FAM227B: variants seen among roughly 807,000 people sequenced by gnomAD.
FAM227B encodes family with sequence similarity 227 member B, also known as protein FAM227B.
In FAM227B, 88 loss-of-function variants were observed where a neutral mutation model predicts 73.8. That is an observed-to-expected ratio of 1.19 (90% CI 1.00 to 1.42). The LOEUF (loss-of-function observed/expected upper bound fraction) is 1.42. FAM227B is among the 40% of genes most tolerant of loss of function. The pLI, the probability that FAM227B is intolerant of heterozygous loss-of-function variation, is 0.00. For synonymous variants in FAM227B, 210 were observed against 190.5 expected (o/e 1.10, Z -0.84); for missense variants, 632 against 590.9 (o/e 1.07, Z -0.72).
chr15:49,327,421 G>C lies in FAM227B; in HGVS notation c.*1147C>G, dbSNP rs931304062. 9 of 152,338 alleles carry C rather than the reference G, an allele frequency of 5.9e-5. 1 individual carries two copies. The highest frequency in any genetic ancestry group is 2.2e-4 in the African/African-American group (9 of 41,564). The allele number at this position is 152,338 out of a possible 1,614,324, so 9.4% of individuals were successfully genotyped here. A position where few individuals can be genotyped will look rare whatever the true frequency, so the allele number is the denominator to read the frequency against. ...TTGATAAGTTTATTCAGTGAACTAGGCTATCTGTTCTAGGGGACTGATTCT... is the reference window on the plus strand; with the variant it reads ...TTGATAAGTTTATTCAGTGAACTAGCCTATCTGTTCTAGGGGACTGATTCT... On this transcript the variant is annotated 3_prime_UTR_variant, in exon 16 of 16. Coordinates refer to ENST00000299338, the MANE Select transcript of FAM227B (RefSeq NM_152647.3).
chr15:49,361,798 T>G (rs1289349920), intron 13 of FAM227B, among the ~76,000 whole-genome samples: 1 of 152,184 alleles, frequency 6.6e-6, no homozygotes, highest in Non-Finnish European at 1.5e-5. Context: ...TAATTCTGCT[T>G]TCAGTTCTTT....
intron 3 of FAM227B, among the ~76,000 whole-genome samples, chr15:49,591,985 G>A (rs190090078): frequency 3.9e-5 from 6 of 152,094 alleles, no homozygotes; most frequent in African/African-American, 1.2e-4. Flanking sequence ...GCTTGTGCAC[G>A]TCATGAAGTT....
rs560987117 is a variant in FAM227B, at chr15:49,554,080, A to G, written c.748-12274T>C. 1.9e-4 allele frequency among the ~76,000 whole-genome samples: 29 copies of G among 152,274 alleles called. No homozygotes were observed. In the South Asian group the frequency reaches 5.6e-3, roughly 29 times the overall value. Reference sequence around the variant, plus strand: ...TTCCATTTTTGCCCAGTTTGTGTCTAGAAATGTCATCTGGAAACTAGGGCC... The same window carrying G: ...TTCCATTTTTGCCCAGTTTGTGTCTGGAAATGTCATCTGGAAACTAGGGCC... On this transcript the variant is annotated intron_variant, in intron 9 of 15. Coordinates refer to ENST00000299338, the MANE Select transcript of FAM227B (RefSeq NM_152647.3).
chr15:49,373,978 G>T (rs1441616114), intron 11 of FAM227B, among the ~76,000 whole-genome samples: 2 of 152,080 alleles, frequency 1.3e-5, no homozygotes, highest in African/African-American at 4.8e-5. Context: ...CCTCATACCT[G>T]CATTAAAAGA....
chr15:49,343,792 A>G (rs998685181), intron 13 of FAM227B: 1 of 152,224 alleles, frequency 6.6e-6, no homozygotes, highest in African/African-American at 2.4e-5. Context: ...GTCTTCAGGC[A>G]TCACATGATA....
chr15:49,474,821 C>T (rs2055100043), intron 11 of FAM227B, among the ~76,000 whole-genome samples: 1 of 152,072 alleles, frequency 6.6e-6, no homozygotes. Flanking sequence ...GTTGCGTGCT[C>T]CGTACGAAAA....
At chr15:49,544,952 G>T (rs1476522905) in intron 9 of FAM227B, among the ~76,000 whole-genome samples, 1 of 151,960 alleles carries the variant, frequency 6.6e-6, no homozygotes, top group African/African-American at 2.4e-5. Flanking sequence ...CAAGAATATT[G>T]GTCTGTAGTT....
At chr15:49,612,493 A>C (rs1242684020) in intron 2 of FAM227B, among the ~76,000 whole-genome samples, 2 of 152,224 alleles carry the variant, frequency 1.3e-5, no homozygotes, top group African/African-American at 2.4e-5. Flanking sequence ...TAAATTTCAC[A>C]CAGTGGCTGG....
chr15:49,545,605 A>G lies in FAM227B; in HGVS notation c.748-3799T>C, dbSNP rs117175485. On this transcript the variant is annotated intron_variant, in intron 9 of 15. Coordinates refer to ENST00000299338, the MANE Select transcript of FAM227B (RefSeq NM_152647.3). ...TTAGATTGTCTATTTGTGCTTTTTT[A>G]GGCTTTTTGATATAGACATTTAATG... Among the ~76,000 whole-genome samples, 1,073 of 151,912 alleles carry G rather than the reference A, an allele frequency of 7.1e-3. 4 individuals carry two copies. The highest frequency in any genetic ancestry group is 0.012 in the Non-Finnish European group (848 of 67,950).
At chr15:49,591,211 A>G (rs1483225964) in intron 3 of FAM227B, among the ~76,000 whole-genome samples, 1 of 150,486 alleles carries the variant, frequency 6.6e-6, no homozygotes, top group Non-Finnish European at 1.5e-5. Context: ...AGTAGTTGGG[A>G]CTACAGGCGC....
At chr15:49,507,570 C>T (rs1309691385) in intron 11 of FAM227B, among the ~76,000 whole-genome samples, 1 of 152,080 alleles carries the variant, frequency 6.6e-6, no homozygotes, top group African/African-American at 2.4e-5. Context: ...GAAATAAACT[C>T]GCCTTACAAA....
chr15:49,581,472 C>G (rs2075809231), intron 5 of FAM227B, among the ~76,000 whole-genome samples: 1 of 152,030 alleles, frequency 6.6e-6, no homozygotes. Context: ...TTATGCACCA[C>G]TGCGCCTGGC....
chr15:49,429,310 A>G (rs1157677157), intron 11 of FAM227B, among the ~76,000 whole-genome samples: 1 of 151,958 alleles, frequency 6.6e-6, no homozygotes, highest in Non-Finnish European at 1.5e-5. Context: ...GAATGGATAA[A>G]CTGCTGGGGA....
At chr15:49,590,229 C>T (rs2076443654) in intron 3 of FAM227B, among the ~76,000 whole-genome samples, 1 of 152,016 alleles carries the variant, frequency 6.6e-6, no homozygotes, top group South Asian at 2.1e-4. Flanking sequence ...ATATGATAGC[C>T]CATCATCCTT....
intron 10 of FAM227B, among the ~76,000 whole-genome samples, chr15:49,534,381 C>T (rs191935100): frequency 4.0e-5 from 6 of 151,878 alleles, no homozygotes; most frequent in Admixed American, 1.3e-4. Context: ...GGACAAATAA[C>T]ATTATTTTTT....
rs180684871 is a variant in FAM227B, at chr15:49,611,899, C to A, written c.52-631G>T. On this transcript the variant is annotated intron_variant, in intron 2 of 15. Coordinates refer to ENST00000299338, the MANE Select transcript of FAM227B (RefSeq NM_152647.3). ...CAATCCTTTCTTGGCCTATTTAACTCTTACTTCAAATAACAAATTAAAAGT... is the reference window on the plus strand; with the variant it reads ...CAATCCTTTCTTGGCCTATTTAACTATTACTTCAAATAACAAATTAAAAGT... 1.4e-3 allele frequency among the ~76,000 whole-genome samples: 220 copies of A among 152,244 alleles called. 1 individual carries two copies. Among genetic ancestry groups the A allele is most frequent in the African/African-American group, 5.1e-3 (214 of 41,556 alleles).
intron 11 of FAM227B, chr15:49,485,024 T>C (rs1416363665): frequency 6.6e-6 from 1 of 152,010 alleles, no homozygotes; most frequent in African/African-American, 2.4e-5. Flanking sequence ...TATAATCTAC[T>C]TAAACTCTAA....
intron 2 of FAM227B, among the ~76,000 whole-genome samples, chr15:49,614,438 G>A (rs1256573346): frequency 6.6e-6 from 1 of 152,174 alleles, no homozygotes; most frequent in Admixed American, 6.5e-5. Flanking sequence ...TGAGTTTGAA[G>A]ATAATAACAT....
chr15:49,391,127 GAATT>G (rs1197172845), intron 11 of FAM227B, among the ~76,000 whole-genome samples: 4 of 132,986 alleles, frequency 3.0e-5, no homozygotes, highest in Non-Finnish European at 5.1e-5. Flanking sequence ...TAGATTATAT[GAATT>G]AAGACATGAG....
Sources: allele counts gnomAD v4.1 joint callset (sites outside exome capture counted in the v4.1 genomes callset), GRCh38; gene constraint gnomAD v4.1.1; transcripts MANE v1.5; gene names NCBI Gene and HGNC (gene_info 2026-07-23, HGNC 2026-07-21).